Variants in GIT2 observed in about 807,000 individuals in gnomAD.
The protein encoded by GIT2 is ARF GTPase-activating protein GIT2.
In GIT2, 32 loss-of-function variants were observed where a neutral mutation model predicts 100.3. The ratio of observed to expected loss-of-function variants is 0.32; its 90% CI spans 0.24 to 0.43. GIT2 has a LOEUF of 0.43. Ranked by LOEUF, GIT2 falls within the 20% of genes least tolerant of loss-of-function variation. The pLI is 1.00. For synonymous variants in GIT2, 353 were observed against 364.1 expected, an observed-to-expected ratio of 0.97 and a Z score of 0.35; for missense variants, 737 against 975.1, an observed-to-expected ratio of 0.76 and a Z score of 3.25.
Position 109,947,452 on chromosome 12 carries a change from T to C in GIT2, c.1445A>G (p.Asn482Ser), listed in dbSNP as rs1876654676. 2.5e-6 allele frequency: 4 copies of C among 1,613,662 alleles called. No homozygotes were observed. The highest frequency in any genetic ancestry group is 1.1e-5 in the South Asian group (1 of 91,078). The change falls in exon 15 of 20, where the codon AAT becomes AGT. Residue 482 changes from asparagine to serine, a missense_variant. Asn to Ser is a conservative substitution (Grantham distance 46, BLOSUM62 1). Coordinates refer to ENST00000355312, the MANE Select transcript of GIT2 (RefSeq NM_057169.5). This position sits in a 1 kb window ranked among gnomAD's most constrained non-coding sequence, Gnocchi z 4.3. ...AGAACCAGTTTGCACCTGATATACA[T>C]TGGTTGTGGCCTGTTTCCTGAGGTT... ...NSNLRKQATT[N>S]VYQVQTGSEY... is the part of the protein sequence containing the mutation.
upstream of GIT2, chr12:109,996,374 G>C: frequency 1.8e-6 from 1 of 556,616 alleles, no homozygotes; most frequent in Non-Finnish European, 3.1e-6. Flanking sequence ...GGCACAGCAC[G>C]CACGCGCGGG....
At chr12:109,944,316 C>T (rs1206554369) in intron 16 of GIT2, among the ~76,000 whole-genome samples, 1 of 152,216 alleles carries the variant, frequency 6.6e-6, no homozygotes, top group African/African-American at 2.4e-5. Flanking sequence ...CCCCACCTTG[C>T]CTGTAAAGGT....
intron 9 of GIT2, among the ~76,000 whole-genome samples, chr12:109,964,353 C>T (rs1380799752): frequency 6.6e-6 from 1 of 151,856 alleles, no homozygotes; most frequent in Non-Finnish European, 1.5e-5. Flanking sequence ...AGGATAAATT[C>T]ATTTAATGTA....
At chr12:109,999,347 C>G (rs1348797974), upstream of GIT2, 1 of 158,036 alleles carries the variant, frequency 6.3e-6, no homozygotes, top group East Asian at 1.8e-4. This position sits in a 1 kb window ranked among gnomAD's most constrained non-coding sequence, Gnocchi z 4.3. Flanking sequence ...GACCCCGGAC[C>G]CGGTGCCCAA....
At chr12:109,941,894 G>A (rs1409025468) in intron 16 of GIT2, among the ~76,000 whole-genome samples, 1 of 150,812 alleles carries the variant, frequency 6.6e-6, no homozygotes, top group Non-Finnish European at 1.5e-5. Context: ...GTACAATCTC[G>A]GCTCACTGCA....
intron 16 of GIT2, 28 bp downstream of exon 16, chr12:109,945,232 A>T: frequency 8.9e-7 from 1 of 1,127,498 alleles, no homozygotes; most frequent in Non-Finnish European, 1.3e-6. Context: ...CCTCCTCCAG[A>T]GAGCAGACCA....
intron 16 of GIT2, chr12:109,940,019 CA>C (rs1044865361): frequency 1.3e-5 from 2 of 152,208 alleles, no homozygotes; most frequent in African/African-American, 4.8e-5. Flanking sequence ...CACCAAAGGC[CA>C]CAAAGTCTGC....
chr12:109,984,963 G>T (rs774648019), intron 4 of GIT2, among the ~76,000 whole-genome samples: 1 of 151,922 alleles, frequency 6.6e-6, no homozygotes, highest in Non-Finnish European at 1.5e-5. Context: ...AGTCTTTCAG[G>T]GTAGGAAAAG....
chr12:109,963,111 A>G (rs750766091), intron 9 of GIT2, among the ~76,000 whole-genome samples: 22 of 152,238 alleles, frequency 1.4e-4, no homozygotes, highest in Non-Finnish European at 2.4e-4. Context: ...AAACGTCTAC[A>G]ATTATGATTA....
intron 14 of GIT2, among the ~76,000 whole-genome samples, chr12:109,950,512 T>C (rs1877535953): frequency 6.6e-6 from 1 of 152,212 alleles, no homozygotes; most frequent in Non-Finnish European, 1.5e-5. Context: ...CTTGCTACCA[T>C]CAACCACACT....
At chr12:109,991,479 T>C (rs1381690305) in intron 2 of GIT2, 148 bp downstream of exon 2, 1 of 640,000 alleles carries the variant, frequency 1.6e-6, no homozygotes, top group Non-Finnish European at 2.8e-6. Flanking sequence ...ATAATATTTG[T>C]AAATAGCATT....
chr12:109,941,794 T>C (rs1381643360), intron 16 of GIT2, among the ~76,000 whole-genome samples: 1 of 151,964 alleles, frequency 6.6e-6, no homozygotes, highest in African/African-American at 2.4e-5. Flanking sequence ...GTGCTGAGAT[T>C]ATAGGTGTGA....
At chr12:109,998,647 A>C (rs1889760159), upstream of GIT2, 2 of 152,232 alleles carry the variant, frequency 1.3e-5, no homozygotes. Context: ...CATAACCTCA[A>C]ATCCAAAAAG....
chr12:109,976,634 G>A (rs1885148985), intron 7 of GIT2, among the ~76,000 whole-genome samples: 1 of 149,734 alleles, frequency 6.7e-6, no homozygotes. Context: ...TGTCGCCCAG[G>A]CAGGAGTGCA....
intron 7 of GIT2, among the ~76,000 whole-genome samples, chr12:109,974,515 G>GA (rs1360830127): frequency 6.6e-6 from 1 of 152,206 alleles, no homozygotes; most frequent in African/African-American, 2.4e-5. Flanking sequence ...AACAGCGCGA[G>GA]GCTCTGTTTC....
chr12:109,945,323 G>C lies in GIT2; in HGVS notation c.1668C>G (p.Ser556=). The change falls in exon 16 of 20, where the codon TCC becomes TCG. Residue 556 remains serine (S), a synonymous_variant. Coordinates refer to ENST00000355312, the MANE Select transcript of GIT2 (RefSeq NM_057169.5). Reference sequence around the variant, plus strand: ...AGGGGAAGGAAGGCAGAGATGAAGAGGAGGTCACAAGTGCACTCCTCCCGA... The same window carrying C: ...AGGGGAAGGAAGGCAGAGATGAAGACGAGGTCACAAGTGCACTCCTCCCGA... The part of the protein sequence containing the change: ...AHIGRSALVT[S]SSSLPSFPST... 5 of 1,580,020 alleles carry C rather than the reference G, an allele frequency of 3.2e-6. No individual in the cohort carries two copies. In the South Asian group the frequency reaches 5.5e-5, roughly 18 times the overall value.
chr12:109,978,015 T>G (rs1226342969), intron 7 of GIT2, among the ~76,000 whole-genome samples: 1 of 152,054 alleles, frequency 6.6e-6, no homozygotes, highest in African/African-American at 2.4e-5. Context: ...TGAGTTTATC[T>G]TCTTTGGAAT....
chr12:109,967,737 C>T (rs1373838704), intron 7 of GIT2, among the ~76,000 whole-genome samples: 1 of 152,164 alleles, frequency 6.6e-6, no homozygotes, highest in African/African-American at 2.4e-5. Flanking sequence ...CCTATGCTCA[C>T]CCCAATCACG....
intron 9 of GIT2, among the ~76,000 whole-genome samples, 181 bp downstream of exon 9, chr12:109,965,345 T>C (rs1156619907): frequency 6.6e-6 from 1 of 152,228 alleles, no homozygotes; most frequent in Non-Finnish European, 1.5e-5. Context: ...GAACTGAATA[T>C]ACTGAACTTA....
Sources: gnomAD v4.1 joint callset for allele counts (sites outside exome capture counted in the v4.1 genomes callset) on GRCh38, gnomAD v4.1.1 for gene constraint, Gnocchi (gnomAD v3.1) non-coding constraint, MANE v1.5 for transcripts, NCBI Gene and HGNC (gene_info 2026-07-23, HGNC 2026-07-21) for gene names.